Variants in GALNT2 observed in about 807,000 individuals in gnomAD.
GALNT2 encodes UDP-GalNAc:polypeptide N-acetylgalactosaminyltransferase 2.
GALNT2 carries 31 observed loss-of-function variants against 81.4 expected under a neutral mutation model. That is an observed-to-expected ratio of 0.38 (90% confidence interval 0.29 to 0.51). GALNT2 has a LOEUF of 0.51. Ranked by LOEUF, GALNT2 falls within the 20% of genes least tolerant of loss-of-function variation. GALNT2 has a pLI of 0.87. For missense variants in GALNT2, 629 were observed against 765.7 expected (o/e 0.82, Z 2.11); for synonymous variants, 303 against 287.4 (o/e 1.05, Z -0.55).
intron 14 of GALNT2, among the ~76,000 whole-genome samples, chr1:230,268,826 A>G (rs925774386): frequency 6.6e-6 from 1 of 152,166 alleles, no homozygotes; most frequent in Non-Finnish European, 1.5e-5. Context: ...GGTCCTGCCC[A>G]GTAGAGAGTC....
chr1:230,206,954 A>G (rs1664074264), intron 3 of GALNT2, among the ~76,000 whole-genome samples: 2 of 151,812 alleles, frequency 1.3e-5, no homozygotes, highest in Admixed American at 1.3e-4. Context: ...CATCTTCCCT[A>G]GGAGTTCAAC....
upstream of GALNT2, among the ~76,000 whole-genome samples, chr1:230,065,965 T>C (rs1164568954): frequency 6.6e-6 from 1 of 152,262 alleles, no homozygotes; most frequent in African/African-American, 2.4e-5. Flanking sequence ...TTCTTGGTGT[T>C]GGACTTTCTA....
chr1:230,261,075 G>A (rs192495662), intron 11 of GALNT2, among the ~76,000 whole-genome samples: 1 of 135,226 alleles, frequency 7.4e-6, no homozygotes, highest in Non-Finnish European at 1.6e-5. Context: ...TAGTCATAAA[G>A]TTTCTCTTTT....
intron 9 of GALNT2, 85 bp downstream of exon 9, chr1:230,249,356 C>T: frequency 1.7e-6 from 2 of 1,193,830 alleles, no homozygotes; most frequent in African/African-American, 1.5e-5. Context: ...CGCCTGGAGA[C>T]CCAGTGGGGG....
At chr1:230,165,880 C>T (rs369482378) in intron 1 of GALNT2, among the ~76,000 whole-genome samples, 13 of 152,202 alleles carry the variant, frequency 8.5e-5, no homozygotes, top group African/African-American at 2.7e-4. Context: ...CTGTAGGTCA[C>T]TCATATTAGG....
intron 14 of GALNT2, 59 bp downstream of exon 14, chr1:230,265,426 G>C: frequency 6.2e-7 from 1 of 1,607,252 alleles, no homozygotes; most frequent in Non-Finnish European, 8.5e-7. Context: ...AGTTGGGGGG[G>C]TCCTGATGTT....
At chr1:230,135,954 A>G (rs1661525565) in intron 1 of GALNT2, among the ~76,000 whole-genome samples, 1 of 151,678 alleles carries the variant, frequency 6.6e-6, no homozygotes, top group Admixed American at 6.6e-5. Flanking sequence ...CCGCCTCCCA[A>G]AGTGTTAGGA....
At chr1:230,141,978 G>A (rs1648239917) in intron 1 of GALNT2, among the ~76,000 whole-genome samples, 3 of 151,764 alleles carry the variant, frequency 2.0e-5, no homozygotes. Flanking sequence ...TTTTGTTAGA[G>A]ACGAGAGCCT....
chr1:230,070,246 C>T lies in GALNT2; in HGVS notation c.126+2840C>T, dbSNP rs1210479233. On this transcript the variant is annotated intron_variant, in intron 1 of 15. Coordinates refer to ENST00000366672, the MANE Select transcript of GALNT2 (RefSeq NM_004481.5). This position sits in a 1 kb window ranked among gnomAD's most constrained non-coding sequence, Gnocchi z 4.7. ...TTTCATTTACATTTGTGTCCATACC[C>T]TTTCCCCCCATATTTTGCTCTTTCC... Among the ~76,000 whole-genome samples the T allele has an allele frequency of 1.3e-5, 2 of 152,130 alleles. No individual in the cohort carries two copies. The highest frequency in any genetic ancestry group is 2.4e-5 in the African/African-American group (1 of 41,424).
At chr1:230,149,594 T>G (rs1377321356) in intron 1 of GALNT2, among the ~76,000 whole-genome samples, 2 of 151,862 alleles carry the variant, frequency 1.3e-5, no homozygotes, top group African/African-American at 2.4e-5. Context: ...ATTTTGAGGG[T>G]TTTTAAAAAC....
intron 2 of GALNT2, among the ~76,000 whole-genome samples, chr1:230,195,821 G>A (rs181938784): frequency 6.6e-5 from 10 of 151,780 alleles, no homozygotes; most frequent in South Asian, 4.2e-4. Flanking sequence ...CACACAAGCC[G>A]GAGGTGAGCA....
chr1:230,072,378 T>A, intron 1 of GALNT2, among the ~76,000 whole-genome samples: 2 of 144,974 alleles, frequency 1.4e-5, no homozygotes, highest in African/African-American at 5.2e-5. Context: ...TGGCGGGGGG[T>A]GCGGTGAGGC....
chr1:230,107,193 G>A (rs772187227), intron 1 of GALNT2, among the ~76,000 whole-genome samples: 5 of 152,228 alleles, frequency 3.3e-5, no homozygotes, highest in African/African-American at 4.8e-5. Flanking sequence ...CTCAGGCACT[G>A]ACTGATGAAT....
Position 230,067,363 on chromosome 1 carries a change from G to T in GALNT2, c.83G>T (p.Gly28Val). The change falls in exon 1 of 16, where the codon GGC becomes GTC. Residue 28 changes from glycine (G) to valine (V), a missense_variant. Around this residue, in one of 3 missense-constraint regions of GALNT2, gnomAD observed 62 missense variants for 47.3 expected, o/e 1.31. Transcript: ENST00000366672. ...GIAYYMYSGG[G>V]SALAGGAGGG... Reference sequence around the variant, plus strand: ...GCCTACTACATGTACTCGGGGGGCGGCTCTGCGCTGGCCGGGGGCGCGGGC... The same window carrying T: ...GCCTACTACATGTACTCGGGGGGCGTCTCTGCGCTGGCCGGGGGCGCGGGC... The T allele has an allele frequency of 1.5e-6, 2 of 1,352,376 alleles. No individual in the cohort carries two copies. The highest frequency in any genetic ancestry group is 3.3e-5 in the East Asian group (1 of 30,252). 83.8% of individuals were successfully genotyped at this position (1,352,376 alleles called of 1,614,324 possible). A position where few individuals can be genotyped will look rare whatever the true frequency, so the allele number is the denominator to read the frequency against.
chr1:230,102,948 ACT>A (rs1223605019), intron 1 of GALNT2, among the ~76,000 whole-genome samples: 21 of 151,982 alleles, frequency 1.4e-4, no homozygotes, highest in Non-Finnish European at 4.4e-5. Context: ...TTGTTTGATG[ACT>A]CTGCATGTGA....
At chr1:230,133,451 T>C (rs1363494962) in intron 1 of GALNT2, among the ~76,000 whole-genome samples, 2 of 109,462 alleles carry the variant, frequency 1.8e-5, no homozygotes, top group African/African-American at 3.1e-5. Context: ...TCTTTTTTCT[T>C]TTTTTTTTTT....
At chr1:230,158,241 C>A (rs903021117) in intron 1 of GALNT2, among the ~76,000 whole-genome samples, 1 of 151,986 alleles carries the variant, frequency 6.6e-6, no homozygotes, top group Non-Finnish European at 1.5e-5. Flanking sequence ...GGATGAGTAG[C>A]GTGGGGAGAT....
intron 1 of GALNT2, among the ~76,000 whole-genome samples, chr1:230,102,254 A>C (rs1660423426): frequency 6.6e-6 from 1 of 152,226 alleles, no homozygotes; most frequent in East Asian, 1.9e-4. Flanking sequence ...TGTTCACTGC[A>C]GTCTCCAGTG....
At position 230,209,472 on chromosome 1, in the gene GALNT2, G is replaced by C. The variant is rs1482733302; in HGVS notation, c.374+6182G>C. On this transcript the variant is annotated intron_variant, in intron 3 of 15. Coordinates refer to ENST00000366672, the MANE Select transcript of GALNT2 (RefSeq NM_004481.5). ...CAGAACAGGGCCACCTGCAAGCCAG[G>C]AAGAGGCCTCACCAGGAACCAGATC... 2.6e-5 allele frequency among the ~76,000 whole-genome samples: 4 copies of C among 152,316 alleles called. No individual in the cohort carries two copies. The South Asian group carries it at 8.3e-4, about 32-fold the overall frequency.
Sources: allele counts gnomAD v4.1 joint callset (sites outside exome capture counted in the v4.1 genomes callset), GRCh38; gene constraint gnomAD v4.1.1; regional missense constraint gnomAD v4.1.1; non-coding constraint Gnocchi (gnomAD v3.1); transcripts MANE v1.5; gene names NCBI Gene and HGNC (gene_info 2026-07-23, HGNC 2026-07-21).